Variants in NLRP8 observed in about 807,000 individuals in gnomAD.
NLRP8 encodes the protein NLR family pyrin domain containing 8.
A neutral mutation model predicts 88.7 loss-of-function variants in NLRP8; 86 were observed. The ratio of observed to expected loss-of-function variants is 0.97; its 90% CI spans 0.81 to 1.16. The LOEUF (loss-of-function observed/expected upper bound fraction) is 1.16. Ranked by LOEUF, NLRP8 falls within the 50% of genes most tolerant of loss-of-function variation. The pLI, the probability that NLRP8 is intolerant of heterozygous loss-of-function variation, is 0.00. For missense variants in NLRP8, 1,342 were observed against 1,286.5 expected (o/e 1.04, Z -0.66); for synonymous variants, 504 against 494.6 (o/e 1.02, Z -0.25).
chr19:55,969,042 T>C (rs1979963234), intron 5 of NLRP8, among the ~76,000 whole-genome samples: 2 of 152,334 alleles, frequency 1.3e-5, no homozygotes, highest in South Asian at 4.1e-4. Flanking sequence ...CAGGACTCCC[T>C]CTTCCAGAAT....
chr19:55,983,045 A>G (rs1201664911), intron 9 of NLRP8, among the ~76,000 whole-genome samples: 1 of 152,204 alleles, frequency 6.6e-6, no homozygotes, highest in African/African-American at 2.4e-5. Context: ...TGATCAAACC[A>G]AATAATGGTA....
chr19:55,988,018 G>A lies in NLRP8; in HGVS notation c.*105G>A. Reference sequence around the variant, plus strand: ...TGTATGCATTAACGTACTTTCCCCTGAAACAGAGCAACCCAGTCAACACCA... The same window carrying A: ...TGTATGCATTAACGTACTTTCCCCTAAAACAGAGCAACCCAGTCAACACCA... On this transcript the variant is annotated 3_prime_UTR_variant, in exon 10 of 10. Transcript: ENST00000291971. 1 of 833,380 alleles carries A rather than the reference G, an allele frequency of 1.2e-6. No homozygotes were observed. The highest frequency in any genetic ancestry group is 2.0e-6 in the Non-Finnish European group (1 of 502,074). 51.6% of individuals were successfully genotyped at this position (833,380 alleles called of 1,614,324 possible).
chr19:55,955,940 G>C lies in NLRP8; in HGVS notation c.1882G>C (p.Asp628His), dbSNP rs1406580141. ...AGCCTTTGTAAGCCAAGCCCTAAAT[G>C]ATTATCATAAAGTTGTCTTGAGAAT... The change falls in exon 3 of 10, where the codon GAT becomes CAT. Residue 628 changes from aspartate to histidine, a missense_variant. Coordinates refer to ENST00000291971, the MANE Select transcript of NLRP8 (RefSeq NM_176811.2). 6.2e-7 allele frequency: 1 copy of C among 1,614,018 alleles called. No individual in the cohort carries two copies. The highest frequency in any genetic ancestry group is 8.5e-7 in the Non-Finnish European group (1 of 1,180,018).
In NLRP8 at chr19:55,959,280, C is replaced by T. The variant is rs185110019; in HGVS notation, c.2043-2787C>T. ...AGGCTGGAGTGCAGTTGCGTGATCT[C>T]GGCTCACTGCAAGCTCCGCCTCCCT... On this transcript the variant is annotated intron_variant, in intron 3 of 9. Transcript: ENST00000291971. Among the ~76,000 whole-genome samples the T allele has an allele frequency of 2.2e-3, 330 of 151,388 alleles. 3 individuals are homozygous for T. Among genetic ancestry groups the T allele is most frequent in the African/African-American group, 7.7e-3 (319 of 41,190 alleles).
intron 3 of NLRP8, among the ~76,000 whole-genome samples, chr19:55,957,455 G>A (rs1254696470): frequency 6.6e-6 from 1 of 151,756 alleles, no homozygotes; most frequent in African/African-American, 2.4e-5. Flanking sequence ...GGAGGCCGAG[G>A]CAGGTGGATC....
intron 9 of NLRP8, among the ~76,000 whole-genome samples, chr19:55,986,162 TAGA>T: frequency 6.6e-6 from 1 of 152,244 alleles, no homozygotes; most frequent in South Asian, 2.1e-4. Flanking sequence ...ATTGTATACA[TAGA>T]AGATCACACC....
intron 8 of NLRP8, among the ~76,000 whole-genome samples, chr19:55,978,036 G>A (rs757872034): frequency 9.2e-5 from 14 of 152,170 alleles, no homozygotes; most frequent in Non-Finnish European, 1.8e-4. Context: ...TGTTTATGCA[G>A]TATTTTCTAA....
rs1246891255 is a variant in NLRP8, at chr19:55,973,802, A to T, written c.2685A>T (p.Arg895Ser). 5.6e-6 allele frequency: 9 copies of T among 1,613,682 alleles called. No individual in the cohort carries two copies. Among genetic ancestry groups the T allele is most frequent in the Non-Finnish European group, 7.6e-6 (9 of 1,179,824 alleles). ...TTTGGAATGCCCTGCCACACCTGAG[A>T]TGTCCTCTGCAGAGGCTGGTGTAAG... The change falls in exon 7 of 10, where the codon AGA becomes AGT. Residue 895 changes from arginine (R) to serine (S), a missense_variant. Arg to Ser is a moderately radical substitution (Grantham distance 110). Coordinates refer to ENST00000291971, the MANE Select transcript of NLRP8 (RefSeq NM_176811.2).
At position 55,970,627 on chromosome 19, in the gene NLRP8, T is replaced by C. The variant is rs1346112685; in HGVS notation, c.2465T>C (p.Ile822Thr). 3.1e-6 allele frequency: 5 copies of C among 1,614,116 alleles called. No individual in the cohort carries two copies. Among genetic ancestry groups the C allele is most frequent in the East Asian group, 2.2e-5 (1 of 44,888 alleles). Reference sequence around the variant, plus strand: ...GGTAACGGGCATCTAAAGACTCTCATACTAAGAAAAAACTCCCTGGAGAAC... The same window carrying C: ...GGTAACGGGCATCTAAAGACTCTCACACTAAGAAAAAACTCCCTGGAGAAC... The change falls in exon 6 of 10, where the codon ATA becomes ACA. Residue 822 changes from isoleucine (I) to threonine (T), a missense_variant. Physicochemically the swap from Ile to Thr is moderately conservative, Grantham distance 89 (BLOSUM62 -1). Coordinates refer to ENST00000291971, the MANE Select transcript of NLRP8 (RefSeq NM_176811.2).
Position 55,955,411 on chromosome 19 carries a change from G to A in NLRP8, c.1353G>A (p.Leu451=). 1 of 1,614,240 alleles carries A rather than the reference G, an allele frequency of 6.2e-7. No homozygotes were observed. Among genetic ancestry groups the A allele is most frequent in the South Asian group, 1.1e-5 (1 of 91,090 alleles). Residue 451 remains leucine (L), a synonymous_variant, in exon 3 of 10, where the codon CTG becomes CTA. Transcript: ENST00000291971. ...CCAGAAAGATCCACCAAGCACAACTGGAAGGTCTGTGTCACTTGGCCGCAG... is the reference window on the plus strand; with the variant it reads ...CCAGAAAGATCCACCAAGCACAACTAGAAGGTCTGTGTCACTTGGCCGCAG...
At position 55,988,476 on chromosome 19, in the gene NLRP8, TAA is replaced by T. The variant is rs1980976230; in HGVS notation, c.*565_*566del. ...TATATATATATATATATATGCTATA[TAA>T]AGTTTAAATGAAATGCTTTGAGTCA... On this transcript the variant is annotated 3_prime_UTR_variant, in exon 10 of 10. Coordinates refer to ENST00000291971, the MANE Select transcript of NLRP8 (RefSeq NM_176811.2). The T allele has an allele frequency of 9.1e-6, 1 of 110,240 alleles. No individual in the cohort carries two copies. The highest frequency in any genetic ancestry group is 1.9e-5 in the Non-Finnish European group (1 of 51,400). 6.8% of individuals were successfully genotyped at this position (110,240 alleles called of 1,614,324 possible). A position where few individuals can be genotyped will look rare whatever the true frequency, so the allele number is the denominator to read the frequency against.
In NLRP8 at chr19:55,955,231, C is replaced by T. The variant is rs267605705; in HGVS notation, c.1173C>T (p.Ser391=). 1.1e-5 allele frequency: 18 copies of T among 1,614,092 alleles called. No individual in the cohort carries two copies. Among genetic ancestry groups the T allele is most frequent in the Non-Finnish European group, 1.5e-5 (18 of 1,180,052 alleles). The change falls in exon 3 of 10, where the codon TCC becomes TCT. Residue 391 remains serine, a synonymous_variant. Transcript: ENST00000291971. ...CCATGGAAAACACCATTCTCTTCTC[C>T]ATGTGCCGGGTCCCTGTGGTTTGCT...
At position 55,956,525 on chromosome 19, in the gene NLRP8, T is replaced by C. The variant is rs1020652448; in HGVS notation, c.2042+425T>C. Among the ~76,000 whole-genome samples the C allele has an allele frequency of 2.3e-4, 35 of 152,300 alleles. No individual in the cohort carries two copies. In the East Asian group the frequency reaches 2.9e-3, roughly 13 times the overall value. On this transcript the variant is annotated intron_variant, in intron 3 of 9. Transcript: ENST00000291971. ...TCCCAAATTGCTGGGATTACAGGCA[T>C]GAGCCATCGCACGCGGCCAGTACTT...
chr19:55,962,054 C>T lies in NLRP8; in HGVS notation c.2043-13C>T. The T allele has an allele frequency of 6.2e-7, 1 of 1,610,742 alleles. No individual in the cohort carries two copies. Among genetic ancestry groups the T allele is most frequent in the Non-Finnish European group, 8.5e-7 (1 of 1,178,636 alleles). ...AACGAAGAGGTGTTTTCTCTCTTCT[C>T]CCTTCCATGTAGAGCGCCAGAGAGC... On this transcript the variant is annotated splice_polypyrimidine_tract_variant and intron_variant, in intron 3 of 9. Transcript: ENST00000291971.
In NLRP8 at chr19:55,987,928, T is replaced by A; in HGVS notation, c.*15T>A. 1 of 1,580,010 alleles carries A rather than the reference T, an allele frequency of 6.3e-7. No individual in the cohort carries two copies. On this transcript the variant is annotated 3_prime_UTR_variant, in exon 10 of 10. Coordinates refer to ENST00000291971, the MANE Select transcript of NLRP8 (RefSeq NM_176811.2). ...TTAATCCTTAGGCCGTCCAGTCATC[T>A]TTCTCTGGGGCTTGATTGATCAGTT...
rs1175233631 is a variant in NLRP8, at chr19:55,973,642, T to C, written c.2535-10T>C. On this transcript the variant is annotated splice_polypyrimidine_tract_variant and intron_variant, in intron 6 of 9. Coordinates refer to ENST00000291971, the MANE Select transcript of NLRP8 (RefSeq NM_176811.2). ...CTCCATTCAGTCATCTGTGTGCTTC[T>C]CTCCCATAGGATAGAGAACTGCAAC... 3 of 1,588,144 alleles carry C rather than the reference T, an allele frequency of 1.9e-6. No homozygotes were observed. Among genetic ancestry groups the C allele is most frequent in the African/African-American group, 1.3e-5 (1 of 74,368 alleles).
At chr19:55,984,683 G>A (rs947766885) in intron 9 of NLRP8, among the ~76,000 whole-genome samples, 6 of 124,596 alleles carry the variant, frequency 4.8e-5, no homozygotes, top group Non-Finnish European at 9.7e-5. Flanking sequence ...AACAACAGTT[G>A]TGCCATGGCC....
At position 55,962,155 on chromosome 19, in the gene NLRP8, A is replaced by C; in HGVS notation, c.2131A>C (p.Thr711Pro). Residue 711 changes from threonine to proline, a missense_variant, in exon 4 of 10, where the codon ACC becomes CCC. Physicochemically the swap from Thr to Pro is conservative, Grantham distance 38. Transcript: ENST00000291971. ...TGATAAGCTGGAAGTCCTGACTATG[A>C]CCAACAGTGTTTTGGGGCCTCCTTT... The C allele has an allele frequency of 6.2e-7, 1 of 1,614,176 alleles. No individual in the cohort carries two copies. The highest frequency in any genetic ancestry group is 8.5e-7 in the Non-Finnish European group (1 of 1,180,006).
At chr19:55,951,407 G>A (rs540066702) in intron 1 of NLRP8, among the ~76,000 whole-genome samples, 10 of 152,304 alleles carry the variant, frequency 6.6e-5, no homozygotes, top group South Asian at 6.2e-4. Context: ...CAGTATTAGC[G>A]AATTTGGTGT....
Sources: allele counts gnomAD v4.1 joint callset (sites outside exome capture counted in the v4.1 genomes callset), GRCh38; gene constraint gnomAD v4.1.1; transcripts MANE v1.5; gene names NCBI Gene and HGNC (gene_info 2026-07-23, HGNC 2026-07-21).